ANKS1B: variants seen among roughly 807,000 people sequenced by gnomAD.
ANKS1B encodes ankyrin repeat and sterile alpha motif domain-containing protein 1B.
In ANKS1B, 36 loss-of-function variants were observed where a neutral mutation model predicts 148.3. The ratio of observed to expected loss-of-function variants is 0.24; its 90% CI spans 0.19 to 0.32. The LOEUF (loss-of-function observed/expected upper bound fraction) is 0.32. ANKS1B is among the 10% of genes least tolerant of loss of function. ANKS1B has a pLI of 1.00. For missense variants in ANKS1B, 1,157 were observed against 1,542.6 expected, an observed-to-expected ratio of 0.75 and a Z score of 4.19; for synonymous variants, 542 against 560.8, an observed-to-expected ratio of 0.97 and a Z score of 0.47.
chr12:99,525,765 A>G (rs1405314394), intron 9 of ANKS1B, among the ~76,000 whole-genome samples: 1 of 152,182 alleles, frequency 6.6e-6, no homozygotes, highest in East Asian at 1.9e-4. Flanking sequence ...TGAAATAAGA[A>G]TAACTTTTGA....
At chr12:98,872,654 T>G (rs778623945) in intron 17 of ANKS1B, among the ~76,000 whole-genome samples, 14 of 152,102 alleles carry the variant, frequency 9.2e-5, no homozygotes, top group Non-Finnish European at 1.0e-4. Flanking sequence ...AGGGTTGACC[T>G]TGTGAGGGTA....
intron 9 of ANKS1B, among the ~76,000 whole-genome samples, chr12:99,630,458 G>A (rs2098146566): frequency 6.6e-6 from 1 of 151,998 alleles, no homozygotes; most frequent in Non-Finnish European, 1.5e-5. Flanking sequence ...GAAAAAAAAA[G>A]AGGGGACTCT....
intron 15 of ANKS1B, among the ~76,000 whole-genome samples, chr12:99,142,188 G>C (rs1232432461): frequency 6.6e-6 from 1 of 151,418 alleles, no homozygotes; most frequent in Admixed American, 6.6e-5. Context: ...ACAGAGACAA[G>C]GTTAGAAGTC....
At chr12:99,463,913 T>C (rs183838483) in intron 10 of ANKS1B, among the ~76,000 whole-genome samples, 1,830 of 152,310 alleles carry the variant, frequency 0.012, 48 homozygotes, top group African/African-American at 0.042. Context: ...TAAATGTCCC[T>C]GTCTGACAGC....
In ANKS1B at chr12:99,585,369, G is replaced by C. The variant is rs1045168764; in HGVS notation, c.1272+69698C>G. On this transcript the variant is annotated intron_variant, in intron 9 of 26. Coordinates refer to ENST00000683438, the MANE Select transcript of ANKS1B (RefSeq NM_001352186.2). ...TAAGAGGCAGGCTCCCATGGCCTTG[G>C]ACAGCTCCGCCCCTGTGGTTTTGCA... Among the ~76,000 whole-genome samples, 21 of 152,160 alleles carry C rather than the reference G, an allele frequency of 1.4e-4. 1 individual carries two copies. Among genetic ancestry groups the C allele is most frequent in the African/African-American group, 5.1e-4 (21 of 41,434 alleles).
intron 12 of ANKS1B, among the ~76,000 whole-genome samples, chr12:99,250,374 C>G (rs1250863725): frequency 2.0e-5 from 3 of 152,172 alleles, no homozygotes; most frequent in Non-Finnish European, 2.9e-5. Flanking sequence ...AATTAGCTAG[C>G]CCCAGGAGGG....
intron 17 of ANKS1B, among the ~76,000 whole-genome samples, chr12:99,012,334 C>T (rs1036456829): frequency 6.6e-6 from 1 of 152,190 alleles, no homozygotes; most frequent in Non-Finnish European, 1.5e-5. Context: ...TGAGGTCTTC[C>T]TCCTCTGTGC....
intron 10 of ANKS1B, among the ~76,000 whole-genome samples, chr12:99,450,050 G>A (rs1009642767): frequency 6.6e-6 from 1 of 152,112 alleles, no homozygotes; most frequent in Non-Finnish European, 1.5e-5. Flanking sequence ...CAGCCTATGT[G>A]TAGTTCCATT....
chr12:99,312,672 AT>A (rs1246330399), intron 12 of ANKS1B, among the ~76,000 whole-genome samples: 1 of 152,174 alleles, frequency 6.6e-6, no homozygotes, highest in African/African-American at 2.4e-5. Flanking sequence ...ATAGGTAAAT[AT>A]TTTTACCACA....
chr12:98,847,549 C>T (rs1051140042), intron 17 of ANKS1B, among the ~76,000 whole-genome samples: 1 of 152,112 alleles, frequency 6.6e-6, no homozygotes, highest in African/African-American at 2.4e-5. Flanking sequence ...GACATTGTGA[C>T]TAATGCTGCA....
intron 8 of ANKS1B, among the ~76,000 whole-genome samples, chr12:99,737,913 C>A (rs1003767761): frequency 6.6e-6 from 1 of 152,124 alleles, no homozygotes; most frequent in Non-Finnish European, 1.5e-5. Context: ...TTTTAATCTA[C>A]AGCCTCCAAC....
intron 8 of ANKS1B, among the ~76,000 whole-genome samples, chr12:99,655,616 T>C (rs1490928853): frequency 6.6e-6 from 1 of 152,152 alleles, no homozygotes; most frequent in East Asian, 1.9e-4. Flanking sequence ...GATAAACCAG[T>C]TTGTTCAGAA....
intron 11 of ANKS1B, among the ~76,000 whole-genome samples, chr12:99,421,841 C>T (rs780019880): frequency 1.3e-5 from 2 of 152,082 alleles, no homozygotes; most frequent in East Asian, 1.9e-4. Context: ...GTCAATGGGG[C>T]AAATCCTTCA....
intron 1 of ANKS1B, among the ~76,000 whole-genome samples, chr12:99,900,613 A>G (rs1024187651): frequency 7.9e-5 from 12 of 152,072 alleles, no homozygotes; most frequent in African/African-American, 2.4e-4. Context: ...AACTCTTTCA[A>G]TTCTTACCCT....
At chr12:99,473,606 A>C (rs1363256598) in intron 10 of ANKS1B, among the ~76,000 whole-genome samples, 1 of 151,886 alleles carries the variant, frequency 6.6e-6, no homozygotes, top group Non-Finnish European at 1.5e-5. Flanking sequence ...TATTGTCAGA[A>C]CTCTTGTTTT....
At chr12:98,933,744 T>C (rs1006511815) in intron 17 of ANKS1B, among the ~76,000 whole-genome samples, 1 of 152,084 alleles carries the variant, frequency 6.6e-6, no homozygotes, top group Non-Finnish European at 1.5e-5. Flanking sequence ...CCCTGATGAT[T>C]AGTGATGTTA....
intron 1 of ANKS1B, among the ~76,000 whole-genome samples, chr12:99,849,333 C>T (rs1450604828): frequency 6.6e-6 from 1 of 151,900 alleles, no homozygotes; most frequent in Non-Finnish European, 1.5e-5. Flanking sequence ...AGGAAAAATG[C>T]AAATTACTAT....
chr12:99,666,336 C>T (rs1237219626), intron 8 of ANKS1B, among the ~76,000 whole-genome samples: 1 of 152,138 alleles, frequency 6.6e-6, no homozygotes, highest in Non-Finnish European at 1.5e-5. Context: ...AATTAGCCTG[C>T]TTGGATTCTG....
intron 14 of ANKS1B, among the ~76,000 whole-genome samples, chr12:99,180,654 A>C (rs2079006599): frequency 6.9e-6 from 1 of 144,844 alleles, no homozygotes; most frequent in Non-Finnish European, 1.5e-5. Context: ...TTTTAATCTG[A>C]ACGAAATTTC....
Sources: allele counts gnomAD v4.1 joint callset (sites outside exome capture counted in the v4.1 genomes callset), GRCh38; gene constraint gnomAD v4.1.1; transcripts MANE v1.5; gene names NCBI Gene and HGNC (gene_info 2026-07-23, HGNC 2026-07-21).